DCDC2C: variants seen among roughly 807,000 people sequenced by gnomAD.
DCDC2C encodes doublecortin domain-containing protein 2C.
In DCDC2C, 44 loss-of-function variants were observed where a neutral mutation model predicts 45.0. That is an observed-to-expected ratio of 0.98 (90% CI 0.77 to 1.26). The LOEUF (loss-of-function observed/expected upper bound fraction) is 1.26. DCDC2C is among the 50% of genes most tolerant of loss of function. The pLI is 0.00. For missense variants in DCDC2C, 447 were observed against 468.9 expected (o/e 0.95, Z 0.43); for synonymous variants, 187 against 178.8 (o/e 1.05, Z -0.37).
chr2:3,833,509 A>C (rs1486770327), intron 10 of DCDC2C, among the ~76,000 whole-genome samples: 1 of 152,080 alleles, frequency 6.6e-6, no homozygotes, highest in East Asian at 1.9e-4. Context: ...TTCCATTGCC[A>C]TTGTGTCAGC....
intron 9 of DCDC2C, among the ~76,000 whole-genome samples, chr2:3,784,298 G>A (rs1670591645): frequency 6.6e-6 from 1 of 152,064 alleles, no homozygotes; most frequent in Non-Finnish European, 1.5e-5. Flanking sequence ...CAGCCCTTTG[G>A]AAAAGAGTTT....
At position 3,818,326 on chromosome 2, in the gene DCDC2C, G is replaced by A. The variant is rs4849993; in HGVS notation, c.1066-28828G>A. On this transcript the variant is annotated intron_variant, in intron 10 of 10. Coordinates refer to ENST00000399143, the MANE Select transcript of DCDC2C (RefSeq NM_001287444.2). This position sits in a 1 kb window ranked among gnomAD's most constrained non-coding sequence, Gnocchi z 4.7. ...TGTCAGGGTCTGTCCAAGTGAAAGC[G>A]AAGAGAGGCTGGGATGAAGGGTGCA... Among the ~76,000 whole-genome samples, 28,566 of 152,128 alleles carry A rather than the reference G, an allele frequency of 0.19. 3,045 individuals are homozygous for A. Among genetic ancestry groups the A allele is most frequent in the South Asian group, 0.35 (1,691 of 4,806 alleles).
At chr2:3,839,637 T>C (rs1672160475) in intron 10 of DCDC2C, among the ~76,000 whole-genome samples, 1 of 152,190 alleles carries the variant, frequency 6.6e-6, no homozygotes, top group South Asian at 2.1e-4. Flanking sequence ...TGTTCGTTTT[T>C]CCCTCTGCTC....
intron 6 of DCDC2C, among the ~76,000 whole-genome samples, chr2:3,763,442 A>G (rs1191325795): frequency 1.3e-5 from 2 of 152,208 alleles, no homozygotes; most frequent in Non-Finnish European, 2.9e-5. Flanking sequence ...TAAAATGGAA[A>G]TTTAATTAGC....
At chr2:3,741,327 C>T (rs73144805) in intron 3 of DCDC2C, among the ~76,000 whole-genome samples, 2,701 of 152,206 alleles carry the variant, frequency 0.018, 76 homozygotes, top group African/African-American at 0.062. Flanking sequence ...GCCTGTTTTC[C>T]AAATGGACAC....
At chr2:3,824,151 G>A (rs928209881) in intron 10 of DCDC2C, among the ~76,000 whole-genome samples, 1 of 152,220 alleles carries the variant, frequency 6.6e-6, no homozygotes, top group Non-Finnish European at 1.5e-5. Context: ...GTTCCAGGAT[G>A]TGGATCATAT....
chr2:3,759,155 C>T (rs1669809598), intron 6 of DCDC2C, among the ~76,000 whole-genome samples: 1 of 152,174 alleles, frequency 6.6e-6, no homozygotes, highest in African/African-American at 2.4e-5. Flanking sequence ...GGCATCCTTC[C>T]CACGCTGCAT....
chr2:3,797,118 A>G (rs1369417882), intron 10 of DCDC2C, among the ~76,000 whole-genome samples: 1 of 152,100 alleles, frequency 6.6e-6, no homozygotes, highest in Non-Finnish European at 1.5e-5. Flanking sequence ...GTGTCGAGGA[A>G]TTTATCCATT....
chr2:3,711,635 CTA>C (rs1232065168), intron 2 of DCDC2C, among the ~76,000 whole-genome samples: 1 of 152,190 alleles, frequency 6.6e-6, no homozygotes, highest in Non-Finnish European at 1.5e-5. Flanking sequence ...TGCCTGAAAA[CTA>C]TTCCACCATG....
intron 10 of DCDC2C, among the ~76,000 whole-genome samples, chr2:3,815,641 G>A (rs986978408): frequency 1.8e-4 from 28 of 152,322 alleles, no homozygotes; most frequent in African/African-American, 5.5e-4. Context: ...GGCTGAGTCC[G>A]AAGAGTCAGT....
intron 10 of DCDC2C, among the ~76,000 whole-genome samples, chr2:3,829,606 A>G (rs933830109): frequency 3.9e-5 from 6 of 152,166 alleles, no homozygotes; most frequent in African/African-American, 1.4e-4. Flanking sequence ...TTGTGATAAC[A>G]GCCTGCTCCA....
intron 10 of DCDC2C, among the ~76,000 whole-genome samples, chr2:3,833,470 C>T (rs145342027): frequency 1.6e-4 from 25 of 152,298 alleles, no homozygotes; most frequent in East Asian, 9.6e-4. Flanking sequence ...TTGTCCTACA[C>T]GTTTTGTGTG....
intron 10 of DCDC2C, among the ~76,000 whole-genome samples, chr2:3,810,954 C>T (rs1671376942): frequency 6.6e-6 from 1 of 152,164 alleles, no homozygotes. Flanking sequence ...TGTTTTGGTA[C>T]CAGTACCACA....
At chr2:3,752,134 G>A (rs1479744529) in intron 4 of DCDC2C, among the ~76,000 whole-genome samples, 1 of 152,162 alleles carries the variant, frequency 6.6e-6, no homozygotes, top group African/African-American at 2.4e-5. Flanking sequence ...CCAGCCCTTT[G>A]CACTTCTCTT....
At chr2:3,712,318 T>C (rs1382290374) in intron 2 of DCDC2C, among the ~76,000 whole-genome samples, 2 of 152,122 alleles carry the variant, frequency 1.3e-5, no homozygotes, top group Non-Finnish European at 2.9e-5. Flanking sequence ...GCCTGCCTTG[T>C]GGCTTATGGG....
At chr2:3,810,728 C>A (rs1671372129) in intron 10 of DCDC2C, among the ~76,000 whole-genome samples, 2 of 152,168 alleles carry the variant, frequency 1.3e-5, no homozygotes, top group Admixed American at 1.3e-4. Flanking sequence ...ACATTTAAGT[C>A]TTTAATCCAT....
rs1028183793 is a variant in DCDC2C at position 3,769,422 on chromosome 2, G to A, written c.954+11G>A. ...GTGCCTGTGGACCAGGTGGGTGTCC[G>A]GGGTCCGATGTCCATGCCGTCTTCA... On this transcript the variant is annotated intron_variant, in intron 8 of 10. Coordinates refer to ENST00000399143, the MANE Select transcript of DCDC2C (RefSeq NM_001287444.2). 10 of 1,548,844 alleles carry A rather than the reference G, an allele frequency of 6.5e-6. No individual in the cohort carries two copies. In the African/African-American group the frequency reaches 6.8e-5, roughly 11 times the overall value.
At chr2:3,742,949 C>A (rs1254840758) in intron 4 of DCDC2C, among the ~76,000 whole-genome samples, 1 of 152,174 alleles carries the variant, frequency 6.6e-6, no homozygotes, top group Non-Finnish European at 1.5e-5. Flanking sequence ...TGATGATGGA[C>A]TGAAGGTGGC....
In DCDC2C at chr2:3,703,721, G is replaced by A; in HGVS notation, c.-31G>A. On this transcript the variant is annotated 5_prime_UTR_variant, in exon 1 of 11. Coordinates refer to ENST00000399143, the MANE Select transcript of DCDC2C (RefSeq NM_001287444.2). The surrounding 1 kb of genome is among the most constrained non-coding windows in gnomAD (Gnocchi z 4.4). ...GCTGCCCGCGCTGCCGCAGCCTCTC[G>A]GCCCCGGCGAGCGAGGAGCGGGGCG... The A allele has an allele frequency of 8.1e-7, 1 of 1,227,498 alleles. No homozygotes were observed. Among genetic ancestry groups the A allele is most frequent in the Non-Finnish European group, 1.0e-6 (1 of 985,002 alleles). 76.0% of individuals were successfully genotyped at this position (1,227,498 alleles called of 1,614,324 possible). A position where few individuals can be genotyped will look rare whatever the true frequency, so the allele number is the denominator to read the frequency against.
Sources: gnomAD v4.1 joint callset for allele counts (sites outside exome capture counted in the v4.1 genomes callset) on GRCh38, gnomAD v4.1.1 for gene constraint, Gnocchi (gnomAD v3.1) non-coding constraint, MANE v1.5 for transcripts, NCBI Gene and HGNC (gene_info 2026-07-23, HGNC 2026-07-21) for gene names.